Variants in KCNT2 observed in about 807,000 individuals in gnomAD.
KCNT2 encodes the protein potassium sodium-activated channel subfamily T member 2, also known as potassium channel subfamily T member 2.
Under a neutral mutation model 153.8 loss-of-function variants are expected in KCNT2, and 67 were observed. The observed-to-expected ratio is 0.44, with a 90% CI of 0.36 to 0.53. The LOEUF is 0.53. KCNT2 is among the 20% of genes least tolerant of loss of function. The probability of loss-of-function intolerance (pLI) is 0.00; values close to 1 mark genes in which losing one functional copy is unlikely to be tolerated. For synonymous variants in KCNT2, 500 were observed against 458.8 expected (o/e 1.09, Z -1.15); for missense variants, 975 against 1,354.8 (o/e 0.72, Z 4.40).
intron 5 of KCNT2, among the ~76,000 whole-genome samples, chr1:196,473,592 G>A (rs533517342): frequency 2.6e-5 from 4 of 152,260 alleles, no homozygotes; most frequent in African/African-American, 9.6e-5. Context: ...GTACAGTGGG[G>A]CAATGTATTT....
At chr1:196,260,282 C>T (rs988960253) in intron 25 of KCNT2, among the ~76,000 whole-genome samples, 6 of 151,646 alleles carry the variant, frequency 4.0e-5, no homozygotes, top group African/African-American at 1.5e-4. Flanking sequence ...GTCACAAAAC[C>T]ATAAATTAAT....
chr1:196,288,267 G>A (rs1659863336), intron 22 of KCNT2, among the ~76,000 whole-genome samples: 1 of 152,040 alleles, frequency 6.6e-6, no homozygotes, highest in Non-Finnish European at 1.5e-5. Context: ...GTTTGGACTA[G>A]GTCTTAAAGT....
At chr1:196,465,691 A>G (rs1266451151) in intron 7 of KCNT2, among the ~76,000 whole-genome samples, 2 of 151,924 alleles carry the variant, frequency 1.3e-5, no homozygotes, top group African/African-American at 2.4e-5. Context: ...AAACCCCTAC[A>G]TGTTAAGCAT....
chr1:196,505,360 G>C (rs1231936191), intron 1 of KCNT2, among the ~76,000 whole-genome samples: 1 of 152,040 alleles, frequency 6.6e-6, no homozygotes. Flanking sequence ...CCCATTGCTT[G>C]TTTTCTCAGG....
intron 21 of KCNT2, among the ~76,000 whole-genome samples, chr1:196,314,648 T>A (rs975848113): frequency 2.0e-5 from 3 of 151,628 alleles, no homozygotes; most frequent in Non-Finnish European, 4.4e-5. Flanking sequence ...CACTGCAAGG[T>A]CGGTTATTTT....
chr1:196,469,428 T>C (rs1414308225), intron 5 of KCNT2, among the ~76,000 whole-genome samples: 1 of 152,150 alleles, frequency 6.6e-6, no homozygotes, highest in African/African-American at 2.4e-5. Context: ...ACTATAATAA[T>C]GATATTCACT....
chr1:196,561,302 T>A, intron 1 of KCNT2, among the ~76,000 whole-genome samples: 1 of 151,384 alleles, frequency 6.6e-6, no homozygotes, highest in Non-Finnish European at 1.5e-5. Context: ...TCTCTCTAAC[T>A]GTAAAGGAGA....
chr1:196,548,563 T>C (rs889222150), intron 1 of KCNT2, among the ~76,000 whole-genome samples: 1 of 151,988 alleles, frequency 6.6e-6, no homozygotes, highest in Non-Finnish European at 1.5e-5. Context: ...GGTGGGACTG[T>C]AAACTAGTTC....
intron 14 of KCNT2, among the ~76,000 whole-genome samples, chr1:196,346,425 C>G (rs1192175544): frequency 6.6e-6 from 1 of 152,134 alleles, no homozygotes; most frequent in African/African-American, 2.4e-5. Context: ...TTTAAAATAA[C>G]TCCTTTATCA....
intron 1 of KCNT2, among the ~76,000 whole-genome samples, chr1:196,571,696 T>C (rs895693489): frequency 6.6e-6 from 1 of 152,028 alleles, no homozygotes; most frequent in East Asian, 1.9e-4. Flanking sequence ...GGGGAAGATA[T>C]AGGGCTTCTG....
chr1:196,293,685 C>G (rs1660406321), intron 22 of KCNT2, among the ~76,000 whole-genome samples: 1 of 151,892 alleles, frequency 6.6e-6, no homozygotes, highest in African/African-American at 2.4e-5. Flanking sequence ...AAAATCAACT[C>G]AAAGACTTAA....
Position 196,226,056 on chromosome 1 carries a change from T to C in KCNT2, c.*2168A>G, listed in dbSNP as rs1399219403. 1 of 152,042 alleles carries C rather than the reference T, an allele frequency of 6.6e-6. No homozygotes were observed. The highest frequency in any genetic ancestry group is 1.5e-5 in the Non-Finnish European group (1 of 67,912). The allele number at this position is 152,042 out of a possible 1,614,324, so 9.4% of individuals were successfully genotyped here. A position where few individuals can be genotyped will look rare whatever the true frequency, so the allele number is the denominator to read the frequency against. On this transcript the variant is annotated 3_prime_UTR_variant, in exon 28 of 28. Coordinates refer to ENST00000294725, the MANE Select transcript of KCNT2 (RefSeq NM_198503.5). ...GTATGAACTGTGTCAAATATTAAAT[T>C]TGGACTAATGTTCATAGTCAAAAAT...
intron 1 of KCNT2, among the ~76,000 whole-genome samples, chr1:196,510,043 T>C (rs1681483492): frequency 6.6e-6 from 1 of 152,106 alleles, no homozygotes; most frequent in African/African-American, 2.4e-5. Context: ...GATATTTTCT[T>C]ATTTAAGCAA....
At chr1:196,291,238 T>C (rs1173011758) in intron 22 of KCNT2, among the ~76,000 whole-genome samples, 1 of 151,812 alleles carries the variant, frequency 6.6e-6, no homozygotes, top group Non-Finnish European at 1.5e-5. Context: ...CTACCCACTC[T>C]ATGAAATCCT....
intron 9 of KCNT2, among the ~76,000 whole-genome samples, chr1:196,428,907 T>C (rs1025090145): frequency 1.3e-5 from 2 of 152,054 alleles, no homozygotes; most frequent in African/African-American, 2.4e-5. Context: ...GAGTTAGAGA[T>C]TGCATCTACT....
At chr1:196,310,575 T>C (rs550903726) in intron 21 of KCNT2, among the ~76,000 whole-genome samples, 1 of 152,030 alleles carries the variant, frequency 6.6e-6, no homozygotes, top group African/African-American at 2.4e-5. Context: ...TTATATTATT[T>C]AGAAATCTGT....
At chr1:196,297,140 G>A (rs1188463681) in intron 22 of KCNT2, among the ~76,000 whole-genome samples, 1 of 151,848 alleles carries the variant, frequency 6.6e-6, no homozygotes, top group African/African-American at 2.4e-5. Context: ...CTGTAGATGT[G>A]TGTGTGTGTG....
intron 1 of KCNT2, among the ~76,000 whole-genome samples, chr1:196,603,369 T>C (rs1449618601): frequency 6.6e-6 from 1 of 152,156 alleles, no homozygotes; most frequent in Admixed American, 6.5e-5. Flanking sequence ...AAATATTTTA[T>C]AATAAATGGC....
chr1:196,294,850 T>G (rs1318101760), intron 22 of KCNT2, among the ~76,000 whole-genome samples: 1 of 151,566 alleles, frequency 6.6e-6, no homozygotes, highest in East Asian at 1.9e-4. Context: ...AATTATGTCA[T>G]TAAAATTGAA....
Sources: allele counts gnomAD v4.1 joint callset (sites outside exome capture counted in the v4.1 genomes callset), GRCh38; gene constraint gnomAD v4.1.1; transcripts MANE v1.5; gene names NCBI Gene and HGNC (gene_info 2026-07-23, HGNC 2026-07-21).